Variants in FYB1 observed in about 807,000 individuals in gnomAD.
FYB1 encodes FYN-binding protein 1.
A neutral mutation model predicts 94.1 loss-of-function variants in FYB1; 41 were observed. The observed-to-expected ratio is 0.44, with a 90% CI of 0.34 to 0.57. The LOEUF (loss-of-function observed/expected upper bound fraction) is 0.57. Ranked by LOEUF, FYB1 falls within the 20% of genes least tolerant of loss-of-function variation. FYB1 has a pLI of 0.02. For synonymous variants in FYB1, 367 were observed against 353.2 expected (o/e 1.04, Z -0.44); for missense variants, 1,050 against 976.8 (o/e 1.07, Z -1.00).
chr5:39,140,153 T>G (rs1742040786), intron 4 of FYB1: 1 of 152,226 alleles, frequency 6.6e-6, no homozygotes, highest in Non-Finnish European at 1.5e-5. Context: ...TATCAAAATT[T>G]ATTTACATTC....
intron 9 of FYB1, among the ~76,000 whole-genome samples, chr5:39,131,288 T>C (rs1281821911): frequency 6.6e-6 from 1 of 152,204 alleles, no homozygotes; most frequent in East Asian, 1.9e-4. Flanking sequence ...AAATGTAGAC[T>C]GTGAGAATGG....
intron 1 of FYB1, among the ~76,000 whole-genome samples, chr5:39,264,919 T>A (rs977006687): frequency 6.6e-6 from 1 of 152,198 alleles, no homozygotes; most frequent in Non-Finnish European, 1.5e-5. Flanking sequence ...CAGAGCTCAG[T>A]GCAAGGTATT....
At chr5:39,207,787 G>A (rs753636719) in intron 1 of FYB1, among the ~76,000 whole-genome samples, 33 of 152,192 alleles carry the variant, frequency 2.2e-4, no homozygotes, top group Middle Eastern at 3.4e-3. Flanking sequence ...GGGGTGGGCC[G>A]GGGAATTTCC....
At chr5:39,238,163 T>C (rs1751051533) in intron 1 of FYB1, among the ~76,000 whole-genome samples, 1 of 152,098 alleles carries the variant, frequency 6.6e-6, no homozygotes, top group Admixed American at 6.6e-5. Context: ...TTGTTATGTG[T>C]ATTTTACAAT....
intron 2 of FYB1, among the ~76,000 whole-genome samples, chr5:39,164,997 TAA>T (rs1170021138): frequency 6.6e-6 from 1 of 152,288 alleles, no homozygotes; most frequent in East Asian, 1.9e-4. Context: ...CAAAGGGAGA[TAA>T]AGTGACTATG....
intron 2 of FYB1, among the ~76,000 whole-genome samples, chr5:39,160,365 A>C (rs1424700009): frequency 1.3e-5 from 2 of 152,200 alleles, no homozygotes; most frequent in Admixed American, 6.5e-5. Context: ...AAACAAACAG[A>C]AACCACTTTT....
chr5:39,133,114 T>C (rs1741349811), intron 9 of FYB1, among the ~76,000 whole-genome samples: 1 of 152,226 alleles, frequency 6.6e-6, no homozygotes, highest in Non-Finnish European at 1.5e-5. Flanking sequence ...TACCATGATA[T>C]AAAAGATCAT....
At chr5:39,270,422 C>T (rs1752624287) in intron 1 of FYB1, 3 of 620,852 alleles carry the variant, frequency 4.8e-6, no homozygotes, top group Non-Finnish European at 8.2e-6. Flanking sequence ...TCAGCAGCTT[C>T]ATCAGCACAA....
At chr5:39,235,859 G>A (rs533682860) in intron 1 of FYB1, among the ~76,000 whole-genome samples, 33 of 152,088 alleles carry the variant, frequency 2.2e-4, no homozygotes, top group African/African-American at 7.2e-4. Context: ...TTGTGCAATA[G>A]GACTCTTTTG....
intron 1 of FYB1, among the ~76,000 whole-genome samples, chr5:39,229,351 G>A (rs561936387): frequency 6.6e-6 from 1 of 152,278 alleles, no homozygotes; most frequent in East Asian, 1.9e-4. Flanking sequence ...TCTCTGCAGT[G>A]TTAAGAGAGT....
chr5:39,197,064 A>C (rs1279427652), intron 2 of FYB1, among the ~76,000 whole-genome samples: 1 of 152,228 alleles, frequency 6.6e-6, no homozygotes, highest in Non-Finnish European at 1.5e-5. Flanking sequence ...CTGGAAAGGA[A>C]GAAATGAGGT....
chr5:39,146,399 A>G (rs1742664781), intron 3 of FYB1, among the ~76,000 whole-genome samples: 2 of 152,148 alleles, frequency 1.3e-5, no homozygotes, highest in Admixed American at 1.3e-4. Flanking sequence ...ACCAGGCCAT[A>G]AACACCTTAA....
chr5:39,272,573 G>C (rs1752696913), intron 1 of FYB1, among the ~76,000 whole-genome samples: 1 of 149,856 alleles, frequency 6.7e-6, no homozygotes, highest in South Asian at 2.1e-4. Flanking sequence ...TCGGGAGGCT[G>C]AGGCAGGAGA....
intron 11 of FYB1, among the ~76,000 whole-genome samples, chr5:39,127,144 G>T (rs1235261263): frequency 6.9e-6 from 1 of 145,656 alleles, no homozygotes; most frequent in Non-Finnish European, 1.5e-5. Flanking sequence ...TTTTCTTATT[G>T]ACCTAAAATA....
intron 1 of FYB1, chr5:39,274,334 T>C (rs1752736065): frequency 1.3e-5 from 2 of 152,220 alleles, no homozygotes; most frequent in Non-Finnish European, 2.9e-5. Context: ...AGCCATCTAC[T>C]CTACGTGCCC....
chr5:39,255,863 C>A (rs1375305824), intron 1 of FYB1, among the ~76,000 whole-genome samples: 3 of 152,130 alleles, frequency 2.0e-5, no homozygotes, highest in African/African-American at 7.2e-5. Flanking sequence ...AAGAAAAGAG[C>A]TACTCAGAGA....
chr5:39,231,611 G>A (rs552636747), intron 1 of FYB1, among the ~76,000 whole-genome samples: 86 of 152,228 alleles, frequency 5.6e-4, no homozygotes, highest in Middle Eastern at 3.4e-3. Context: ...TCGAAGAATG[G>A]GTAGGATTTC....
rs147260868 is a variant in FYB1, at chr5:39,142,161, C to A, written c.1293-1020G>T. On this transcript the variant is annotated intron_variant, in intron 3 of 18. Transcript: ENST00000512982. The stretch of plus-strand genomic sequence containing the variant: ...ACATTACAAACAATTGGTATTAAAT[C>A]TCAGCTGTATCCCCCCTGCTTTTCT... Among the ~76,000 whole-genome samples, 622 of 152,282 alleles carry A rather than the reference C, an allele frequency of 4.1e-3. 13 individuals are homozygous for A. The highest frequency in any genetic ancestry group is 0.032 in the Admixed American group (485 of 15,298).
chr5:39,255,435 T>TC (rs946582778), intron 1 of FYB1, among the ~76,000 whole-genome samples: 1 of 151,988 alleles, frequency 6.6e-6, no homozygotes, highest in African/African-American at 2.4e-5. Context: ...CACCTGTTTT[T>TC]TTTTTTTTGG....
Sources: allele counts gnomAD v4.1 joint callset (sites outside exome capture counted in the v4.1 genomes callset), GRCh38; gene constraint gnomAD v4.1.1; transcripts MANE v1.5; gene names NCBI Gene and HGNC (gene_info 2026-07-23, HGNC 2026-07-21).